The following CHTOP variants were observed in gnomAD, a reference collection of about 807,000 sequenced individuals.
CHTOP encodes the protein chromatin target of PRMT1.
CHTOP carries 18 observed loss-of-function variants against 33.6 expected under a neutral mutation model. The observed-to-expected ratio is 0.54, with a 90% CI of 0.37 to 0.80. CHTOP has a LOEUF of 0.80. Among genes scored for constraint, CHTOP ranks in the 30% least tolerant of loss-of-function variants. The pLI is 0.00. For synonymous variants in CHTOP, 117 were observed against 127.7 expected (o/e 0.92, Z 0.56); for missense variants, 263 against 336.8 (o/e 0.78, Z 1.71).
intron 3 of CHTOP, among the ~76,000 whole-genome samples, chr1:153,639,894 C>T (rs1173007746): frequency 1.3e-5 from 2 of 152,130 alleles, no homozygotes; most frequent in Non-Finnish European, 2.9e-5. Context: ...CGGGTTCAAG[C>T]GATTCTCCTG....
intron 3 of CHTOP, among the ~76,000 whole-genome samples, chr1:153,641,590 G>A (rs1285192269): frequency 1.3e-5 from 2 of 152,172 alleles, no homozygotes; most frequent in East Asian, 1.9e-4. Flanking sequence ...GCAAGTGCAG[G>A]CATGGAATTA....
In CHTOP at chr1:153,642,403, T is replaced by A. The variant is rs756200794; in HGVS notation, c.377T>A (p.Leu126Gln). 22 of 1,613,618 alleles carry A rather than the reference T, an allele frequency of 1.4e-5. No individual in the cohort carries two copies. Among genetic ancestry groups the A allele is most frequent in the Non-Finnish European group, 1.8e-5 (21 of 1,179,740 alleles). The change falls in exon 4 of 6, where the codon CTA becomes CAA. Residue 126 changes from leucine (L) to glutamine (Q), a missense_variant. Transcript: ENST00000368694. ...GLRGGRATRTLLRGGMSLRGQ... is the reference protein window; with the variant it reads ...GLRGGRATRTQLRGGMSLRGQ... ...CGTGGGGGACGTGCCACCAGAACCC[T>A]ACTTAGGGGCGGGATGTCACTCCGA...
Position 153,645,237 on chromosome 1 carries a change from A to G in CHTOP, c.715A>G (p.Met239Val). ...GHLDAELDAY[M>V]AQTDPETND is the part of the protein sequence containing the mutation. ...CCTGGATGCTGAGTTGGATGCCTAC[A>G]TGGCGCAGACAGATCCCGAAACCAA... Residue 239 changes from methionine to valine, a missense_variant, in exon 6 of 6, where the codon ATG (methionine) becomes GTG (valine). Physicochemically the swap from Met to Val is conservative, Grantham distance 21. Transcript: ENST00000368694. 6.2e-7 allele frequency: 1 copy of G among 1,614,216 alleles called. No individual in the cohort carries two copies. The highest frequency in any genetic ancestry group is 8.5e-7 in the Non-Finnish European group (1 of 1,180,040).
At chr1:153,641,203 A>AC (rs1400883493) in intron 3 of CHTOP, among the ~76,000 whole-genome samples, 3 of 152,236 alleles carry the variant, frequency 2.0e-5, no homozygotes, top group Non-Finnish European at 2.9e-5. Flanking sequence ...TTGATTAGAA[A>AC]ACACACACAT....
rs144635323 is a variant in CHTOP, at chr1:153,642,334, G to A, written c.308G>A (p.Arg103Gln). The change falls in exon 4 of 6, where the codon CGA (arginine) becomes CAA (glutamine). Residue 103 changes from arginine (R) to glutamine (Q), a missense_variant. Coordinates refer to ENST00000368694, the MANE Select transcript of CHTOP (RefSeq NM_015607.4). Reference protein sequence around the residue: ...GALARGAIGGRGLPIIQRGLP... With the variant: ...GALARGAIGGQGLPIIQRGLP... The stretch of plus-strand genomic sequence containing the variant: ...CTGGCCAGGGGAGCAATCGGAGGAC[G>A]AGGCCTACCCATAATCCAGAGAGGC... 194 of 1,614,128 alleles carry A rather than the reference G, an allele frequency of 1.2e-4. 1 individual carries two copies. In the African/African-American group the frequency reaches 1.9e-3, roughly 16 times the overall value.
rs1668776094 is a variant in CHTOP, at chr1:153,645,357, A to G, written c.*88A>G. On this transcript the variant is annotated 3_prime_UTR_variant, in exon 6 of 6. Coordinates refer to ENST00000368694, the MANE Select transcript of CHTOP (RefSeq NM_015607.4). ...TAACAGATGAGAAGAAATCTGATTG[A>G]TGCTGGATGGACCTATCACAATAGG... The G allele has an allele frequency of 4.7e-6, 6 of 1,288,170 alleles. No homozygotes were observed. The highest frequency in any genetic ancestry group is 6.5e-6 in the Non-Finnish European group (6 of 918,292). The allele number at this position is 1,288,170 out of a possible 1,614,324, so 79.8% of individuals were successfully genotyped here.
Position 153,642,249 on chromosome 1 carries a change from T to C in CHTOP, c.223T>C (p.Leu75=). 6.2e-7 allele frequency: 1 copy of C among 1,610,180 alleles called. No homozygotes were observed. Among genetic ancestry groups the C allele is most frequent in the Non-Finnish European group, 8.5e-7 (1 of 1,177,462 alleles). Residue 75 remains leucine (L), a synonymous_variant, in exon 4 of 6, where the codon TTA becomes CTA. Coordinates refer to ENST00000368694, the MANE Select transcript of CHTOP (RefSeq NM_015607.4). ...CTAACACCTTTTCTTCCAGAAGAGC[T>C]TAAAGCAGCGCCTGGGTAAGAGTAA... ...VQAALKLKQS[L]KQRLGKSNIQ...
Position 153,643,234 on chromosome 1 carries a change from C to A in CHTOP, c.411C>A (p.Asn137Lys), listed in dbSNP as rs777469474. ...LRGGMSLRGQ[N>K]LLRGGRAVAP... ...GTATGCCTCCTCTCTAAGGTCAAAA[C>A]CTGCTCCGAGGTGGACGAGCCGTAG... Residue 137 changes from asparagine (N) to lysine (K), a missense_variant, in exon 5 of 6, where the codon AAC becomes AAA. Coordinates refer to ENST00000368694, the MANE Select transcript of CHTOP (RefSeq NM_015607.4). 1 of 1,614,168 alleles carries A rather than the reference C, an allele frequency of 6.2e-7. No homozygotes were observed. Among genetic ancestry groups the A allele is most frequent in the Admixed American group, 1.7e-5 (1 of 60,018 alleles).
At chr1:153,644,541 C>T (rs1668737685) in intron 5 of CHTOP, among the ~76,000 whole-genome samples, 1 of 152,216 alleles carries the variant, frequency 6.6e-6, no homozygotes, top group African/African-American at 2.4e-5. Context: ...ACTCAGTCTC[C>T]TGACACATGA....
chr1:153,642,063 C>CT (rs955246811), intron 3 of CHTOP, among the ~76,000 whole-genome samples, 183 bp from the exon 4 acceptor site: 2 of 152,222 alleles, frequency 1.3e-5, no homozygotes, highest in African/African-American at 4.8e-5. Context: ...AATTCTGCTG[C>CT]TTGTATAACA....
chr1:153,636,701 T>C (rs1367680416), intron 2 of CHTOP, 48 bp downstream of exon 2: 5 of 1,560,490 alleles, frequency 3.2e-6, no homozygotes, highest in Non-Finnish European at 4.4e-6. Flanking sequence ...AAAACATTAC[T>C]TAACTTGGCC....
intron 3 of CHTOP, among the ~76,000 whole-genome samples, chr1:153,640,962 C>A (rs1668600589): frequency 6.6e-6 from 1 of 152,082 alleles, no homozygotes; most frequent in Non-Finnish European, 1.5e-5. Context: ...TTTTAAAGCA[C>A]AAAGCTTGGG....
intron 1 of CHTOP, among the ~76,000 whole-genome samples, chr1:153,634,762 TG>T (rs1295451030): frequency 3.7e-4 from 57 of 152,004 alleles, no homozygotes; most frequent in African/African-American, 1.2e-3. Flanking sequence ...GTCAGTTTCT[TG>T]TTAAAGTCCC....
At chr1:153,644,409 C>T (rs1668732934) in intron 5 of CHTOP, 2 of 152,234 alleles carry the variant, frequency 1.3e-5, no homozygotes, top group Admixed American at 1.3e-4. Flanking sequence ...TGAATTCACA[C>T]TGCTTCTCAG....
intron 1 of CHTOP, among the ~76,000 whole-genome samples, chr1:153,634,884 G>A (rs1027084174): frequency 2.7e-5 from 4 of 149,452 alleles, no homozygotes; most frequent in African/African-American, 9.9e-5. Flanking sequence ...ACGGAGTTTC[G>A]CTCTTGTTGC....
chr1:153,642,387 C>T lies in CHTOP; in HGVS notation c.361C>T (p.Arg121Cys), dbSNP rs774613264. 1.2e-5 allele frequency: 20 copies of T among 1,613,844 alleles called. No individual in the cohort carries two copies. The highest frequency in any genetic ancestry group is 9.9e-5 in the South Asian group (9 of 91,070). ...GLPRGGLRGG[R>C]ATRTLLRGGM... ...GCCCAGAGGAGGACTACGTGGGGGA[C>T]GTGCCACCAGAACCCTACTTAGGGG... Residue 121 changes from arginine to cysteine, a missense_variant, in exon 4 of 6, where the codon CGT (arginine) becomes TGT (cysteine). By Grantham distance (180) the Arg-to-Cys change is radical (BLOSUM62 -3). Around this residue, in one of 3 missense-constraint regions of CHTOP, gnomAD observed 168 missense variants for 179.9 expected, o/e 0.93. Transcript: ENST00000368694.
intron 2 of CHTOP, chr1:153,637,808 T>C (rs2101684534): frequency 6.4e-6 from 1 of 156,484 alleles, no homozygotes; most frequent in African/African-American, 2.4e-5. Context: ...TTGCATAATA[T>C]TTATGTTTGC....
chr1:153,645,383 C>G lies in CHTOP; in HGVS notation c.*114C>G. On this transcript the variant is annotated 3_prime_UTR_variant, in exon 6 of 6. Coordinates refer to ENST00000368694, the MANE Select transcript of CHTOP (RefSeq NM_015607.4). The stretch of plus-strand genomic sequence containing the variant: ...TGCTGGATGGACCTATCACAATAGG[C>G]TGTGGACTTACTTGCCACCAGCTTG... 9.9e-7 allele frequency: 1 copy of G among 1,009,754 alleles called. No individual in the cohort carries two copies. Among genetic ancestry groups the G allele is most frequent in the Non-Finnish European group, 1.4e-6 (1 of 692,852 alleles). The allele number at this position is 1,009,754 out of a possible 1,614,324, so 62.5% of individuals were successfully genotyped here. A position where few individuals can be genotyped will look rare whatever the true frequency, so the allele number is the denominator to read the frequency against.
At chr1:153,636,784 C>T (rs1668422652) in intron 2 of CHTOP, 131 bp downstream of exon 2, 2 of 718,412 alleles carry the variant, frequency 2.8e-6, no homozygotes, top group African/African-American at 1.8e-5. Flanking sequence ...TTCTTAGTTG[C>T]ATCTCATGTG....
Sources: gnomAD v4.1 joint callset for allele counts (sites outside exome capture counted in the v4.1 genomes callset) on GRCh38, gnomAD v4.1.1 for gene constraint, gnomAD v4.1.1 regional missense constraint, MANE v1.5 for transcripts, NCBI Gene and HGNC (gene_info 2026-07-23, HGNC 2026-07-21) for gene names.